The following SYNPR variants were observed in gnomAD, a reference collection of about 807,000 sequenced individuals.
SYNPR encodes synaptoporin.
Under a neutral mutation model 32.9 loss-of-function variants are expected in SYNPR, and 23 were observed. The ratio of observed to expected loss-of-function variants is 0.70; its 90% confidence interval spans 0.50 to 0.99. The LOEUF is 0.99. Among genes scored for constraint, SYNPR ranks in the 50% least tolerant of loss-of-function variants. SYNPR has a pLI of 0.00. For missense variants in SYNPR, 318 were observed against 349.3 expected (o/e 0.91, Z 0.71); for synonymous variants, 146 against 135.9 (o/e 1.07, Z -0.52).
chr3:63,384,147 T>G (rs2088011490), intron 2 of SYNPR, among the ~76,000 whole-genome samples: 1 of 152,252 alleles, frequency 6.6e-6, no homozygotes, highest in Admixed American at 6.5e-5. Flanking sequence ...ACTCATTTGC[T>G]CCTTTCCAGC....
intron 2 of SYNPR, among the ~76,000 whole-genome samples, chr3:63,412,908 G>A (rs2088486273): frequency 1.3e-5 from 2 of 152,102 alleles, no homozygotes; most frequent in Admixed American, 6.6e-5. Flanking sequence ...GAGTCGTGGT[G>A]GATGGCTTTA....
At chr3:63,564,132 A>C (rs1427862154) in intron 4 of SYNPR, among the ~76,000 whole-genome samples, 1 of 151,854 alleles carries the variant, frequency 6.6e-6, no homozygotes, top group Admixed American at 6.6e-5. Context: ...GTTGTTAGTC[A>C]TAGACACACC....
chr3:63,364,436 A>T (rs929044037), intron 2 of SYNPR, among the ~76,000 whole-genome samples: 2 of 152,212 alleles, frequency 1.3e-5, no homozygotes, highest in Non-Finnish European at 2.9e-5. Context: ...AGAAAGAAGA[A>T]GTCATACTAG....
chr3:63,245,710 A>AGT (rs1159947180), intron 1 of SYNPR, among the ~76,000 whole-genome samples: 543 of 44,186 alleles, frequency 0.012, 1 homozygote, highest in Middle Eastern at 0.041. Flanking sequence ...AGAGAGAGAG[A>AGT]GTGTGTGTGT....
At chr3:63,563,897 A>C (rs1702736829) in intron 4 of SYNPR, among the ~76,000 whole-genome samples, 2 of 151,906 alleles carry the variant, frequency 1.3e-5, no homozygotes, top group Admixed American at 6.6e-5. Flanking sequence ...TAAAAAAATA[A>C]AAAATAAAAA....
At chr3:63,344,889 C>A (rs1160142142) in intron 2 of SYNPR, among the ~76,000 whole-genome samples, 1 of 152,082 alleles carries the variant, frequency 6.6e-6, no homozygotes, top group Non-Finnish European at 1.5e-5. Flanking sequence ...TCAAAGCTAT[C>A]TTCTTGAGCT....
intron 1 of SYNPR, among the ~76,000 whole-genome samples, chr3:63,236,588 A>G (rs1034038767): frequency 6.6e-5 from 10 of 152,222 alleles, no homozygotes; most frequent in African/African-American, 2.4e-4. Flanking sequence ...CACATCCTGT[A>G]CATATTAAGT....
intron 2 of SYNPR, among the ~76,000 whole-genome samples, chr3:63,340,760 A>G (rs181721462): frequency 6.6e-4 from 100 of 152,306 alleles, no homozygotes; most frequent in African/African-American, 2.1e-3. Context: ...TTTACAGAAA[A>G]GTTAATAGTA....
At chr3:63,595,448 T>TAG (rs1699916041) in intron 4 of SYNPR, among the ~76,000 whole-genome samples, 1 of 151,544 alleles carries the variant, frequency 6.6e-6, no homozygotes, top group African/African-American at 2.4e-5. Context: ...TTACAAAGTC[T>TAG]AGGGGATTAG....
At chr3:63,257,778 T>C (rs530185894) in intron 2 of SYNPR, among the ~76,000 whole-genome samples, 26 of 152,280 alleles carry the variant, frequency 1.7e-4, no homozygotes, top group African/African-American at 6.3e-4. Context: ...ACTGGTAAAT[T>C]GGATAAAGAG....
At chr3:63,319,591 A>C (rs1221554558) in intron 2 of SYNPR, among the ~76,000 whole-genome samples, 1 of 152,086 alleles carries the variant, frequency 6.6e-6, no homozygotes. Flanking sequence ...ATCTACAATG[A>C]AAACTGTAAG....
intron 2 of SYNPR, among the ~76,000 whole-genome samples, chr3:63,321,608 T>C (rs2087111628): frequency 6.6e-6 from 1 of 152,084 alleles, no homozygotes; most frequent in African/African-American, 2.4e-5. Flanking sequence ...ATTCTCTCTA[T>C]AGTCTGAATA....
intron 3 of SYNPR, among the ~76,000 whole-genome samples, chr3:63,533,633 C>G (rs184381816): frequency 6.6e-5 from 10 of 152,194 alleles, no homozygotes; most frequent in Admixed American, 5.9e-4. Context: ...CCAAAACATA[C>G]AGGAAACAAA....
chr3:63,602,842 A>C (rs575819870), intron 4 of SYNPR, among the ~76,000 whole-genome samples: 31 of 152,068 alleles, frequency 2.0e-4, no homozygotes, highest in African/African-American at 7.2e-4. Context: ...CATTTTTTCC[A>C]TATTAATTTT....
At chr3:63,532,592 T>C (rs2106790969) in intron 3 of SYNPR, among the ~76,000 whole-genome samples, 1 of 152,280 alleles carries the variant, frequency 6.6e-6, no homozygotes, top group Non-Finnish European at 1.5e-5. Flanking sequence ...TTGTCTCCTT[T>C]TAGAGAAAAT....
At chr3:63,464,585 T>A (rs953784193) in intron 2 of SYNPR, among the ~76,000 whole-genome samples, 2 of 152,158 alleles carry the variant, frequency 1.3e-5, no homozygotes, top group Non-Finnish European at 1.5e-5. Flanking sequence ...CGGAGCCCCA[T>A]CCAATGCCTC....
intron 3 of SYNPR, among the ~76,000 whole-genome samples, chr3:63,489,474 C>T (rs2106712899): frequency 6.6e-6 from 1 of 152,288 alleles, no homozygotes; most frequent in South Asian, 2.1e-4. Context: ...CAACCAACAG[C>T]TTCTAATACA....
chr3:63,210,383 T>C, the SYNPR span, among the ~76,000 whole-genome samples: 5 of 152,372 alleles, frequency 3.3e-5, no homozygotes, highest in Non-Finnish European at 5.9e-5. Flanking sequence ...TAAAAGAAAT[T>C]TGATTCCATC....
intron 2 of SYNPR, among the ~76,000 whole-genome samples, chr3:63,388,979 T>C (rs980870713): frequency 2.6e-5 from 4 of 152,188 alleles, no homozygotes; most frequent in Non-Finnish European, 5.9e-5. Context: ...TTAGATCTTT[T>C]TGGACTCTGC....
Sources: allele counts gnomAD v4.1 joint callset (sites outside exome capture counted in the v4.1 genomes callset), GRCh38; gene constraint gnomAD v4.1.1; transcripts MANE v1.5; gene names NCBI Gene and HGNC (gene_info 2026-07-23, HGNC 2026-07-21).